The following MAPRE2 variants were observed in gnomAD, a reference collection of about 807,000 sequenced individuals.
The protein encoded by MAPRE2 is microtubule associated protein RP/EB family member 2.
Under a neutral mutation model 43.2 loss-of-function variants are expected in MAPRE2, and 13 were observed. The observed-to-expected ratio is 0.30, with a 90% CI of 0.20 to 0.48. MAPRE2 has a LOEUF of 0.48. Ranked by LOEUF, MAPRE2 falls within the 20% of genes least tolerant of loss-of-function variation. The pLI, the probability that MAPRE2 is intolerant of heterozygous loss-of-function variation, is 0.99. For synonymous variants in MAPRE2, 135 were observed against 148.8 expected, an observed-to-expected ratio of 0.91 and a Z score of 0.68; for missense variants, 161 against 400.2, an observed-to-expected ratio of 0.40 and a Z score of 5.10.
At chr18:35,001,367 T>C (rs1440175312) in intron 1 of MAPRE2, among the ~76,000 whole-genome samples, 3 of 151,792 alleles carry the variant, frequency 2.0e-5, no homozygotes, top group African/African-American at 7.3e-5. Flanking sequence ...ATACAAAAAT[T>C]AGTGGGTGTG....
intron 5 of MAPRE2, among the ~76,000 whole-genome samples, chr18:35,129,899 A>C (rs935879307): frequency 6.6e-6 from 1 of 152,206 alleles, no homozygotes. Context: ...TGTGAGGGGG[A>C]CTATGACAGT....
chr18:35,066,302 C>A (rs887675147), intron 1 of MAPRE2, among the ~76,000 whole-genome samples: 1 of 152,190 alleles, frequency 6.6e-6, no homozygotes, highest in Non-Finnish European at 1.5e-5. Context: ...TCCTGCCCTG[C>A]TTTCCTCCCA....
chr18:35,089,787 G>C (rs1908056370), intron 2 of MAPRE2, among the ~76,000 whole-genome samples: 1 of 152,134 alleles, frequency 6.6e-6, no homozygotes, highest in Non-Finnish European at 1.5e-5. Context: ...CCAATCCTAG[G>C]TATACTGCCA....
intron 2 of MAPRE2, among the ~76,000 whole-genome samples, chr18:35,092,325 C>T (rs1467661984): frequency 6.6e-6 from 1 of 152,162 alleles, no homozygotes; most frequent in Non-Finnish European, 1.5e-5. Flanking sequence ...ACGTTTGTAG[C>T]CAACTGATTT....
rs1476030544 is a variant in MAPRE2, at chr18:34,985,701, TATAA to T, written c.-70+8626_-70+8629del. On this transcript the variant is annotated intron_variant, in intron 1 of 7. Transcript: ENST00000413393. ...AATATATATTATATAATATGTGATA[TATAA>T]ATATATATCATATAATATGTAATAT... Among the ~76,000 whole-genome samples, 20 of 127,962 alleles carry T rather than the reference TATAA, an allele frequency of 1.6e-4. No individual in the cohort carries two copies. In the South Asian group the frequency reaches 4.4e-3, roughly 28 times the overall value. 83.9% of individuals were successfully genotyped at this position (127,962 alleles called of 152,430 possible). A position where few individuals can be genotyped will look rare whatever the true frequency, so the allele number is the denominator to read the frequency against.
intron 2 of MAPRE2, among the ~76,000 whole-genome samples, chr18:35,086,492 C>G (rs1037548639): frequency 6.6e-6 from 1 of 151,880 alleles, no homozygotes; most frequent in African/African-American, 2.4e-5. Context: ...ATAGCTGATA[C>G]TTCTAACACC....
intron 4 of MAPRE2, among the ~76,000 whole-genome samples, chr18:35,121,672 G>T (rs1909676216): frequency 1.3e-5 from 2 of 152,110 alleles, no homozygotes; most frequent in Non-Finnish European, 2.9e-5. Context: ...CAAAGTAGGT[G>T]CACTCTCTGT....
At chr18:34,996,777 G>A (rs1441193916) in intron 1 of MAPRE2, among the ~76,000 whole-genome samples, 13 of 152,202 alleles carry the variant, frequency 8.5e-5, no homozygotes, top group Admixed American at 8.5e-4. Context: ...GTCTTCAGAG[G>A]TCTGAAATGT....
chr18:35,034,844 T>C (rs1339966141), intron 2 of MAPRE2, among the ~76,000 whole-genome samples: 1 of 152,092 alleles, frequency 6.6e-6, no homozygotes, highest in African/African-American at 2.4e-5. Flanking sequence ...ATGGCAATCA[T>C]TAAAAAGTCA....
At chr18:35,100,774 C>T (rs772181594) in intron 3 of MAPRE2, among the ~76,000 whole-genome samples, 4 of 152,186 alleles carry the variant, frequency 2.6e-5, no homozygotes, top group Non-Finnish European at 5.9e-5. Flanking sequence ...GGCACAGTGG[C>T]TCACACCTGT....
intron 2 of MAPRE2, among the ~76,000 whole-genome samples, chr18:35,073,445 G>A (rs114050988): frequency 0.029 from 4,359 of 152,192 alleles, 199 homozygotes; most frequent in African/African-American, 0.1. Context: ...GATTTCTTAT[G>A]TAATATTTTC....
intron 1 of MAPRE2, among the ~76,000 whole-genome samples, chr18:35,052,724 A>T (rs1335898472): frequency 6.6e-6 from 1 of 152,136 alleles, no homozygotes; most frequent in Admixed American, 6.6e-5. Context: ...GGCAACACTT[A>T]CTATCAGTCT....
intron 2 of MAPRE2, among the ~76,000 whole-genome samples, chr18:35,075,257 C>A (rs1441246928): frequency 6.6e-6 from 1 of 152,216 alleles, no homozygotes; most frequent in Non-Finnish European, 1.5e-5. Context: ...CCGGGCCCCA[C>A]CCTGATGGCC....
intron 1 of MAPRE2, among the ~76,000 whole-genome samples, chr18:34,990,971 A>C (rs1313496541): frequency 2.0e-5 from 3 of 152,192 alleles, no homozygotes. Context: ...ACTTGGGGAC[A>C]GATAATCTGA....
intron 2 of MAPRE2, among the ~76,000 whole-genome samples, chr18:35,096,118 C>G (rs1350999969): frequency 6.6e-6 from 1 of 152,078 alleles, no homozygotes; most frequent in Non-Finnish European, 1.5e-5. Context: ...GGATGCCTAA[C>G]CTTTATTTCA....
At chr18:35,138,220 G>A (rs1381249021) in intron 6 of MAPRE2, among the ~76,000 whole-genome samples, 1 of 152,192 alleles carries the variant, frequency 6.6e-6, no homozygotes, top group Admixed American at 6.5e-5. Context: ...GGGGAGTAAA[G>A]AGGGGATCAG....
rs200718516 is a variant in MAPRE2, at chr18:35,005,463, C to CT, written c.-69-22dup. The CT allele has an allele frequency of 3.9e-5, 56 of 1,420,666 alleles. No individual in the cohort carries two copies. The East Asian group carries it at 1.3e-3, about 32-fold the overall frequency. 88.0% of individuals were successfully genotyped at this position (1,420,666 alleles called of 1,614,324 possible). ...TTTCATCATATTAAATGCTTGCACT[C>CT]TTTTTTTCTTCCATTTTTACTATCC... On this transcript the variant is annotated intron_variant, in intron 1 of 7. Coordinates refer to the MAPRE2 transcript ENST00000413393.
At chr18:35,029,146 C>T (rs913072998) in intron 2 of MAPRE2, among the ~76,000 whole-genome samples, 10 of 126,942 alleles carry the variant, frequency 7.9e-5, no homozygotes, top group African/African-American at 3.7e-4. Flanking sequence ...CTAATTAAAA[C>T]ATTTCTGATG....
rs1228821610 is a variant in MAPRE2 at position 34,985,356 on chromosome 18, TATAA to T, written c.-70+8278_-70+8281del. Among the ~76,000 whole-genome samples the T allele has an allele frequency of 1.7e-3, 71 of 41,680 alleles. 1 individual carries two copies. Among genetic ancestry groups the T allele is most frequent in the African/African-American group, 7.6e-3 (69 of 9,060 alleles). The allele number at this position is 41,680 out of a possible 152,430, so 27.3% of individuals were successfully genotyped here. On this transcript the variant is annotated intron_variant, in intron 1 of 7. Coordinates refer to the MAPRE2 transcript ENST00000413393. ...AATATATAATATATTATATTATATA[TATAA>T]TATAATATATAATATATTATTTTAT...
Sources: allele counts gnomAD v4.1 joint callset (sites outside exome capture counted in the v4.1 genomes callset), GRCh38; gene constraint gnomAD v4.1.1; transcripts MANE v1.5; gene names NCBI Gene and HGNC (gene_info 2026-07-23, HGNC 2026-07-21).